Variants in SFRP4 observed in about 807,000 individuals in gnomAD.
SFRP4 encodes secreted frizzled related protein 4.
SFRP4 carries 25 observed loss-of-function variants against 36.3 expected under a neutral mutation model. The ratio of observed to expected loss-of-function variants is 0.69; its 90% CI spans 0.50 to 0.96. The LOEUF is 0.96. Among genes scored for constraint, SFRP4 ranks in the 40% least tolerant of loss-of-function variants. The pLI is 0.00. For synonymous variants in SFRP4, 182 were observed against 168.8 expected (o/e 1.08, Z -0.60); for missense variants, 487 against 459.6 (o/e 1.06, Z -0.54).
Position 37,916,165 on chromosome 7 carries a change from A to G in SFRP4, c.373T>C (p.Cys125Arg). ...YNHSWPESLA[C>R]DELPVYDRGV... is the part of the protein sequence containing the mutation. ...CGGTCATAGACAGGCAGCTCGTCGC[A>G]GGCCAGGCTTTCGGGCCAGCTGTGG... Residue 125 changes from cysteine to arginine, a missense_variant, in exon 1 of 6, where the codon TGC becomes CGC. By Grantham distance (180) the Cys-to-Arg change is radical. Transcript: ENST00000436072. This position sits in a 1 kb window ranked among gnomAD's most constrained non-coding sequence, Gnocchi z 4.1. The G allele has an allele frequency of 6.2e-7, 1 of 1,614,114 alleles. No homozygotes were observed. The highest frequency in any genetic ancestry group is 8.5e-7 in the Non-Finnish European group (1 of 1,180,034).
rs577824584 is a variant in SFRP4, at chr7:37,906,569, G to T, written c.*910C>A. 30 of 152,102 alleles carry T rather than the reference G, an allele frequency of 2.0e-4. No homozygotes were observed. The highest frequency in any genetic ancestry group is 4.3e-4 in the Non-Finnish European group (29 of 68,022). The allele number at this position is 152,102 out of a possible 1,614,324, so 9.4% of individuals were successfully genotyped here. A position where few individuals can be genotyped will look rare whatever the true frequency, so the allele number is the denominator to read the frequency against. On this transcript the variant is annotated 3_prime_UTR_variant, in exon 6 of 6. Coordinates refer to ENST00000436072, the MANE Select transcript of SFRP4 (RefSeq NM_003014.4). Reference sequence around the variant, plus strand: ...AACAAAATTTGGCACTCACATGAAGGCCATTTTTAAGCTTGTCAAATTATT... The same window carrying T: ...AACAAAATTTGGCACTCACATGAAGTCCATTTTTAAGCTTGTCAAATTATT...
intron 1 of SFRP4, among the ~76,000 whole-genome samples, chr7:37,915,070 C>T (rs188702368): frequency 1.3e-5 from 2 of 152,274 alleles, no homozygotes; most frequent in East Asian, 3.9e-4. Context: ...ATCACTCTCT[C>T]CCAAAGTCAT....
chr7:37,909,389 G>C (rs2131986170), intron 5 of SFRP4, among the ~76,000 whole-genome samples: 1 of 152,242 alleles, frequency 6.6e-6, no homozygotes, highest in Non-Finnish European at 1.5e-5. Context: ...CAGTACCTTA[G>C]TATTGAACAC....
chr7:37,916,324 C>A lies in SFRP4; in HGVS notation c.214G>T (p.Val72Leu), dbSNP rs770542595. ...ATGGCACAGAGGAAGAAGCGCAGCA[C>A]GGCGCTGCAGTTCACGTCCACCAGC... ...EELVDVNCSA[V>L]LRFFLCAMYA... The change falls in exon 1 of 6, where the codon GTG (valine) becomes TTG (leucine). Residue 72 changes from valine to leucine, a missense_variant. Physicochemically the swap from Val to Leu is conservative, Grantham distance 32 (BLOSUM62 1). Coordinates refer to ENST00000436072, the MANE Select transcript of SFRP4 (RefSeq NM_003014.4). The surrounding 1 kb of genome is among the most constrained non-coding windows in gnomAD (Gnocchi z 4.1). The A allele has an allele frequency of 5.1e-5, 82 of 1,614,102 alleles. No homozygotes were observed. The Admixed American group carries it at 5.5e-4, about 11-fold the overall frequency.
At chr7:37,911,037 T>A (rs1023138367) in intron 4 of SFRP4, among the ~76,000 whole-genome samples, 2 of 152,238 alleles carry the variant, frequency 1.3e-5, no homozygotes, top group African/African-American at 2.4e-5. Flanking sequence ...TGGATTATAA[T>A]CCATTCATCT....
chr7:37,909,843 T>C, intron 4 of SFRP4, 163 bp from the exon 5 acceptor site: 1 of 452,502 alleles, frequency 2.2e-6, no homozygotes, highest in South Asian at 4.2e-5. Context: ...TGTAACAATA[T>C]TAATTATATT....
Position 37,916,348 on chromosome 7 carries a change from G to A in SFRP4, c.190C>T (p.Leu64=). The change falls in exon 1 of 6, where the codon CTG becomes TTG. Residue 64 remains leucine, a synonymous_variant. Coordinates refer to ENST00000436072, the MANE Select transcript of SFRP4 (RefSeq NM_003014.4). The surrounding 1 kb of genome is among the most constrained non-coding windows in gnomAD (Gnocchi z 4.1). ...ACGGCGCTGCAGTTCACGTCCACCAGCTCCTCGTACTGCTCGATGGCCAGG... is the reference window on the plus strand; with the variant it reads ...ACGGCGCTGCAGTTCACGTCCACCAACTCCTCGTACTGCTCGATGGCCAGG... ...AILAIEQYEE[L]VDVNCSAVLR... 1.2e-6 allele frequency: 2 copies of A among 1,614,212 alleles called. No homozygotes were observed. The highest frequency in any genetic ancestry group is 1.7e-6 in the Non-Finnish European group (2 of 1,180,034).
Position 37,907,595 on chromosome 7 carries a change from T to C in SFRP4, c.925A>G (p.Ser309Gly). 1 of 1,613,850 alleles carries C rather than the reference T, an allele frequency of 6.2e-7. No homozygotes were observed. The highest frequency in any genetic ancestry group is 1.7e-5 in the Admixed American group (1 of 60,002). ...QDKKKTAGRT[S>G]RSNPPKPKGK... is the part of the protein sequence containing the mutation. The stretch of plus-strand genomic sequence containing the variant: ...TTTGGTTTGGGGGGATTACTACGAC[T>C]GGTGCGCCCGGCTGTTTTCTTCTTG... Residue 309 changes from serine (S) to glycine (G), a missense_variant, in exon 6 of 6, where the codon AGT (serine) becomes GGT (glycine). Ser to Gly is a moderately conservative substitution (Grantham distance 56, BLOSUM62 0). Transcript: ENST00000436072.
rs776519995 is a variant in SFRP4, at chr7:37,907,592, G to A, written c.928C>T (p.Arg310Cys). The change falls in exon 6 of 6, where the codon CGT becomes TGT. Residue 310 changes from arginine to cysteine, a missense_variant. Arg to Cys is a radical substitution (Grantham distance 180, BLOSUM62 -3). Coordinates refer to ENST00000436072, the MANE Select transcript of SFRP4 (RefSeq NM_003014.4). Reference protein sequence around the residue: ...DKKKTAGRTSRSNPPKPKGKP... With the variant: ...DKKKTAGRTSCSNPPKPKGKP... ...CCCTTTGGTTTGGGGGGATTACTAC[G>A]ACTGGTGCGCCCGGCTGTTTTCTTC... The A allele has an allele frequency of 7.4e-6, 12 of 1,613,700 alleles. No homozygotes were observed. Among genetic ancestry groups the A allele is most frequent in the Non-Finnish European group, 1.0e-5 (12 of 1,179,766 alleles).
chr7:37,914,589 GC>G (rs1352749170), intron 1 of SFRP4, 136 bp from the exon 2 acceptor site: 2 of 717,232 alleles, frequency 2.8e-6, no homozygotes, highest in Non-Finnish European at 4.9e-6. Context: ...AATGGGCCAG[GC>G]GAAGTGGCTC....
chr7:37,908,857 A>G (rs532394916), intron 5 of SFRP4, among the ~76,000 whole-genome samples: 60 of 152,326 alleles, frequency 3.9e-4, no homozygotes, highest in African/African-American at 1.3e-3. Flanking sequence ...TACATTCTCC[A>G]TAACTCAATT....
At position 37,916,675 on chromosome 7, in the gene SFRP4, G is replaced by A; in HGVS notation, c.-138C>T. On this transcript the variant is annotated 5_prime_UTR_variant, in exon 1 of 6. Transcript: ENST00000436072. This position sits in a 1 kb window ranked among gnomAD's most constrained non-coding sequence, Gnocchi z 4.1. ...GAGTTTCTTCCCCCAAACTCCAGTC[G>A]GCAGCAAAGCGGGGCCGCGGGGTCC... 1 of 1,335,796 alleles carries A rather than the reference G, an allele frequency of 7.5e-7. No homozygotes were observed. The highest frequency in any genetic ancestry group is 1.0e-6 in the Non-Finnish European group (1 of 1,001,774). The allele number at this position is 1,335,796 out of a possible 1,614,324, so 82.7% of individuals were successfully genotyped here.
At chr7:37,913,512 C>T (rs1053152239) in intron 3 of SFRP4, among the ~76,000 whole-genome samples, 30 of 152,166 alleles carry the variant, frequency 2.0e-4, no homozygotes, top group African/African-American at 6.5e-4. Flanking sequence ...CTGCCTTTTA[C>T]ATTTCTTTTT....
At chr7:37,908,846 C>A (rs1007495345) in intron 5 of SFRP4, among the ~76,000 whole-genome samples, 4 of 152,194 alleles carry the variant, frequency 2.6e-5, no homozygotes, top group Non-Finnish European at 5.9e-5. Flanking sequence ...TGTGTTCTAA[C>A]TACATTCTCC....
chr7:37,916,625 G>A lies in SFRP4; in HGVS notation c.-88C>T. ...TCATCTTTCGCTGTCCCTTCGCCGA[G>A]GAAGAAATCCTCTGGGGCGCAGGAG... On this transcript the variant is annotated 5_prime_UTR_variant, in exon 1 of 6. Transcript: ENST00000436072. This position sits in a 1 kb window ranked among gnomAD's most constrained non-coding sequence, Gnocchi z 4.1. 3.3e-6 allele frequency: 5 copies of A among 1,497,124 alleles called. No homozygotes were observed. The highest frequency in any genetic ancestry group is 4.5e-6 in the Non-Finnish European group (5 of 1,121,150). The allele number at this position is 1,497,124 out of a possible 1,614,324, so 92.7% of individuals were successfully genotyped here.
At chr7:37,908,377 T>G (rs892295128) in intron 5 of SFRP4, among the ~76,000 whole-genome samples, 12 of 152,250 alleles carry the variant, frequency 7.9e-5, no homozygotes, top group African/African-American at 2.7e-4. Context: ...GGCTAGAGTC[T>G]ATTTCATTCA....
Position 37,914,216 on chromosome 7 carries a change from AGCTGTAGTTTTT to A in SFRP4, c.577_588del (p.Lys193_Ser196del), listed in dbSNP as rs768239154. The stretch of plus-strand genomic sequence containing the variant: ...ATGGCTTTAACAGACGACTTACCAT[AGCTGTAGTTTTT>A]GCTGAGATACGTTGCCAAAGTTGGC... On this transcript the variant is annotated inframe_deletion, in exon 3 of 6. Transcript: ENST00000436072. 6.2e-7 allele frequency: 1 copy of A among 1,613,060 alleles called. No individual in the cohort carries two copies. Among genetic ancestry groups the A allele is most frequent in the Non-Finnish European group, 8.5e-7 (1 of 1,178,990 alleles).
At chr7:37,913,909 A>G (rs1398727235) in intron 3 of SFRP4, among the ~76,000 whole-genome samples, 1 of 152,226 alleles carries the variant, frequency 6.6e-6, no homozygotes, top group African/African-American at 2.4e-5. Flanking sequence ...GTGTGCCATC[A>G]GGGCTGATAA....
At chr7:37,908,798 T>C (rs1306299782) in intron 5 of SFRP4, among the ~76,000 whole-genome samples, 4 of 152,222 alleles carry the variant, frequency 2.6e-5, no homozygotes, top group Non-Finnish European at 5.9e-5. Flanking sequence ...CAATAGTGTT[T>C]GGTTCTCTTA....
Sources: allele counts gnomAD v4.1 joint callset (sites outside exome capture counted in the v4.1 genomes callset), GRCh38; gene constraint gnomAD v4.1.1; non-coding constraint Gnocchi (gnomAD v3.1); transcripts MANE v1.5; gene names NCBI Gene and HGNC (gene_info 2026-07-23, HGNC 2026-07-21).